OMA1: variants seen among roughly 807,000 people sequenced by gnomAD.
OMA1 encodes metalloendopeptidase OMA1, mitochondrial.
OMA1 carries 38 observed loss-of-function variants against 30.9 expected under a neutral mutation model. That is an observed-to-expected ratio of 1.23 (90% confidence interval 0.95 to 1.61). The LOEUF (loss-of-function observed/expected upper bound fraction) is 1.61, where lower values mean the gene tolerates loss of function less well. Among genes scored for constraint, OMA1 ranks in the 40% most tolerant of loss-of-function variants. OMA1 has a pLI of 0.00. For missense variants in OMA1, 461 were observed against 349.2 expected (o/e 1.32, Z -2.55); for synonymous variants, 173 against 121.9 (o/e 1.42, Z -2.76).
chr1:58,543,139 G>C (rs1457057754), intron 1 of OMA1, among the ~76,000 whole-genome samples: 1 of 152,182 alleles, frequency 6.6e-6, no homozygotes, highest in Non-Finnish European at 1.5e-5. Flanking sequence ...ACTTAATTGA[G>C]CTTCATGAGC....
intron 6 of OMA1, among the ~76,000 whole-genome samples, chr1:58,529,726 C>T (rs1159203408): frequency 6.6e-6 from 1 of 151,896 alleles, no homozygotes; most frequent in Non-Finnish European, 1.5e-5. Context: ...TAGAAAATAT[C>T]TACGAAAAAA....
chr1:58,509,875 C>A (rs1227340198), intron 7 of OMA1, among the ~76,000 whole-genome samples: 1 of 151,892 alleles, frequency 6.6e-6, no homozygotes, highest in Non-Finnish European at 1.5e-5. Context: ...ATTATATGCC[C>A]ACAAACTGGA....
intron 5 of OMA1, among the ~76,000 whole-genome samples, chr1:58,533,071 A>G (rs1341522446): frequency 1.3e-5 from 2 of 152,230 alleles, no homozygotes; most frequent in Non-Finnish European, 2.9e-5. Flanking sequence ...CAATTTAAAA[A>G]ATACTTTCTC....
intron 5 of OMA1, among the ~76,000 whole-genome samples, chr1:58,531,605 T>A (rs965741294): frequency 2.0e-5 from 3 of 152,186 alleles, no homozygotes; most frequent in Non-Finnish European, 2.9e-5. Flanking sequence ...TAGAATATTG[T>A]CCCTTAACAA....
chr1:58,482,739 G>C (rs1232962377), intron 8 of OMA1, among the ~76,000 whole-genome samples: 2 of 152,130 alleles, frequency 1.3e-5, no homozygotes, highest in Non-Finnish European at 2.9e-5. Context: ...TGGCAACCTA[G>C]GGAAAAATCA....
chr1:58,514,251 C>T lies in OMA1; in HGVS notation c.1216-8042G>A, dbSNP rs528685075. On this transcript the variant is annotated intron_variant, in intron 7 of 8. Coordinates refer to ENST00000371226, the MANE Select transcript of OMA1 (RefSeq NM_145243.5). ...GAACATATTGAGAAAGAATTTGCTA[C>T]TATTAAATTATAAATTCAGTGGGAT... Among the ~76,000 whole-genome samples, 7 of 152,180 alleles carry T rather than the reference C, an allele frequency of 4.6e-5. No individual in the cohort carries two copies. In the South Asian group the frequency reaches 1.5e-3, roughly 32 times the overall value.
At chr1:58,527,634 G>A (rs1341369585) in intron 6 of OMA1, among the ~76,000 whole-genome samples, 1 of 152,124 alleles carries the variant, frequency 6.6e-6, no homozygotes, top group Non-Finnish European at 1.5e-5. Context: ...CTGAGTACAG[G>A]ATTCACTAAG....
At position 58,527,317 on chromosome 1, in the gene OMA1, A is replaced by G. The variant is rs747518874; in HGVS notation, c.1159T>C (p.Tyr387His). The G allele has an allele frequency of 1.8e-5, 16 of 872,202 alleles. No individual in the cohort carries two copies. The highest frequency in any genetic ancestry group is 3.2e-5 in the Non-Finnish European group (16 of 501,222). The allele number at this position is 872,202 out of a possible 1,614,324, so 54.0% of individuals were successfully genotyped here. The stretch of plus-strand genomic sequence containing the variant: ...GCTTCGGCCTCCAATTTTCTGCTGT[A>G]TGGTCTATTAAACATATACTAAGAA... ...KLQEYMFNRPYSRKLEAEADK... is the reference protein window; with the variant it reads ...KLQEYMFNRPHSRKLEAEADK... The change falls in exon 7 of 9, where the codon TAC (tyrosine) becomes CAC (histidine). Residue 387 changes from tyrosine (Y) to histidine (H), a missense_variant. Tyr to His is a moderately conservative substitution (Grantham distance 83). Transcript: ENST00000371226.
intron 8 of OMA1, among the ~76,000 whole-genome samples, chr1:58,499,098 G>A (rs1359619813): frequency 6.6e-6 from 1 of 151,942 alleles, no homozygotes. Flanking sequence ...GGATAAATCT[G>A]GAGGACATTA....
intron 7 of OMA1, among the ~76,000 whole-genome samples, chr1:58,526,126 C>CT (rs565745149): frequency 1.1e-3 from 163 of 152,180 alleles, no homozygotes; most frequent in African/African-American, 3.9e-3. Context: ...ACAGAACACA[C>CT]TTAACATATA....
rs561716206 is a variant in OMA1 at position 58,536,532 on chromosome 1, G to A, written c.710C>T (p.Ser237Leu). 1.4e-5 allele frequency: 12 copies of A among 872,522 alleles called. No individual in the cohort carries two copies. The highest frequency in any genetic ancestry group is 1.8e-5 in the Non-Finnish European group (9 of 501,496). 54.0% of individuals were successfully genotyped at this position (872,522 alleles called of 1,614,324 possible). A position where few individuals can be genotyped will look rare whatever the true frequency, so the allele number is the denominator to read the frequency against. The change falls in exon 3 of 9, where the codon TCG (serine) becomes TTG (leucine). Residue 237 changes from serine (S) to leucine (L), a missense_variant. Transcript: ENST00000371226. ...LLGKEQFRLL[S>L]ELEYEAWMEE... Reference sequence around the variant, plus strand: ...ACTTACTGCTTCATATTCCAGTTCCGATAAAAGTCTGAACTGTTCTTTCCC... The same window carrying A: ...ACTTACTGCTTCATATTCCAGTTCCAATAAAAGTCTGAACTGTTCTTTCCC...
intron 8 of OMA1, among the ~76,000 whole-genome samples, chr1:58,505,452 A>C (rs1293855089): frequency 6.6e-6 from 1 of 152,200 alleles, no homozygotes; most frequent in African/African-American, 2.4e-5. Flanking sequence ...AATGATGTCA[A>C]CAAATCAAAA....
chr1:58,542,459 AT>A (rs1320525143), intron 1 of OMA1: 1 of 152,200 alleles, frequency 6.6e-6, no homozygotes, highest in African/African-American at 2.4e-5. Flanking sequence ...GGATAATAAA[AT>A]TCAGTTATTA....
At chr1:58,532,204 A>G (rs1439956162) in intron 5 of OMA1, among the ~76,000 whole-genome samples, 1 of 152,332 alleles carries the variant, frequency 6.6e-6, no homozygotes, top group East Asian at 1.9e-4. Context: ...AGACTCCCAA[A>G]AGAGAAAATA....
intron 8 of OMA1, among the ~76,000 whole-genome samples, chr1:58,481,832 T>C (rs1645489188): frequency 6.6e-6 from 1 of 152,214 alleles, no homozygotes; most frequent in African/African-American, 2.4e-5. Flanking sequence ...ACTGCCGCCA[T>C]GTAAGACATG....
chr1:58,536,375 A>G lies in OMA1; in HGVS notation c.729+138T>C, dbSNP rs1569972939. 1.6e-5 allele frequency: 10 copies of G among 611,222 alleles called. No individual in the cohort carries two copies. The East Asian group carries it at 2.8e-4, about 17-fold the overall frequency. The allele number at this position is 611,222 out of a possible 1,614,324, so 37.9% of individuals were successfully genotyped here. ...AGGAATACTAAGTGTGAAAGGTCTG[A>G]GGCCTTCGGGAAAAAAAAATGCTAA... On this transcript the variant is annotated intron_variant, in intron 3 of 8. Transcript: ENST00000371226.
chr1:58,533,481 G>C (rs1646467809), intron 5 of OMA1, among the ~76,000 whole-genome samples: 1 of 85,740 alleles, frequency 1.2e-5, no homozygotes, highest in Non-Finnish European at 3.0e-5. Flanking sequence ...GCAAGGTATT[G>C]TTATTACTCT....
intron 1 of OMA1, 179 bp downstream of exon 1, chr1:58,546,524 C>A (rs1462183432): frequency 6.7e-6 from 1 of 148,858 alleles, no homozygotes; most frequent in Non-Finnish European, 1.5e-5. Context: ...CTCCACGCAG[C>A]CTTATCGCCC....
At chr1:58,519,036 C>T (rs1374592191) in intron 7 of OMA1, among the ~76,000 whole-genome samples, 1 of 152,154 alleles carries the variant, frequency 6.6e-6, no homozygotes, top group Admixed American at 6.5e-5. Context: ...TATCTCTACA[C>T]TTATTGCTCG....
Sources: gnomAD v4.1 joint callset for allele counts (sites outside exome capture counted in the v4.1 genomes callset) on GRCh38, gnomAD v4.1.1 for gene constraint, MANE v1.5 for transcripts, NCBI Gene and HGNC (gene_info 2026-07-23, HGNC 2026-07-21) for gene names.